Variants in CDH4 observed in about 807,000 individuals in gnomAD.
CDH4 encodes cadherin-4.
Under a neutral mutation model 86.0 loss-of-function variants are expected in CDH4, and 33 were observed. The ratio of observed to expected loss-of-function variants is 0.38; its 90% CI spans 0.29 to 0.51. The LOEUF is 0.51. Among genes scored for constraint, CDH4 ranks in the 20% least tolerant of loss-of-function variants. The pLI is 0.86. For synonymous variants in CDH4, 555 were observed against 549.4 expected (o/e 1.01, Z -0.14); for missense variants, 1,114 against 1,307.4 (o/e 0.85, Z 2.28).
chr20:61,533,437 G>A (rs181731269), intron 2 of CDH4, among the ~76,000 whole-genome samples: 1 of 152,336 alleles, frequency 6.6e-6, no homozygotes, highest in Admixed American at 6.5e-5. Flanking sequence ...AGCTAGAGCT[G>A]TGCTCGTCTC....
chr20:61,477,445 G>A (rs2085544310), intron 2 of CDH4, among the ~76,000 whole-genome samples: 2 of 152,226 alleles, frequency 1.3e-5, no homozygotes. Context: ...GGGAGCAGAG[G>A]AACCAGCAGA....
intron 2 of CDH4, among the ~76,000 whole-genome samples, chr20:61,686,716 C>T (rs1253996559): frequency 6.7e-6 from 1 of 149,708 alleles, no homozygotes; most frequent in Non-Finnish European, 1.5e-5. Flanking sequence ...TGTGCATTCC[C>T]GTGTGTGTGC....
intron 2 of CDH4, among the ~76,000 whole-genome samples, chr20:61,481,692 G>A (rs183629197): frequency 3.3e-5 from 5 of 152,330 alleles, no homozygotes. Flanking sequence ...AATGCTGGCT[G>A]CAAGCACACA....
At chr20:61,889,396 G>A (rs1984691468) in intron 7 of CDH4, among the ~76,000 whole-genome samples, 1 of 150,816 alleles carries the variant, frequency 6.6e-6, no homozygotes, top group South Asian at 2.1e-4. Flanking sequence ...GTGGATGATG[G>A]ATGAGGGATG....
chr20:61,848,461 T>A (rs577334483), intron 5 of CDH4, among the ~76,000 whole-genome samples: 142 of 152,344 alleles, frequency 9.3e-4, no homozygotes, highest in African/African-American at 3.2e-3. Context: ...AGCCTCAACC[T>A]CCCAGGCTCA....
chr20:61,678,151 TAGA>T (rs894619307), intron 2 of CDH4, among the ~76,000 whole-genome samples: 2 of 146,226 alleles, frequency 1.4e-5, no homozygotes, highest in African/African-American at 2.4e-5. Flanking sequence ...GATAGGTAGA[TAGA>T]TGGATGATGG....
intron 2 of CDH4, among the ~76,000 whole-genome samples, chr20:61,493,502 G>A (rs1193356855): frequency 6.6e-6 from 1 of 152,216 alleles, no homozygotes; most frequent in African/African-American, 2.4e-5. Context: ...CTTAGGCAAT[G>A]CCTCTACGGC....
At chr20:61,764,684 T>C (rs6061809) in intron 3 of CDH4, among the ~76,000 whole-genome samples, 95,621 of 152,112 alleles carry the variant, frequency 0.63, 30,089 homozygotes, top group Admixed American at 0.65. Context: ...GTGGCAGTTT[T>C]GCAGCACCTT....
rs531452653 is a variant in CDH4 at position 61,408,328 on chromosome 20, C to T, written c.169+153391C>T. Among the ~76,000 whole-genome samples, 24 of 152,114 alleles carry T rather than the reference C, an allele frequency of 1.6e-4. No individual in the cohort carries two copies. In the South Asian group the frequency reaches 2.5e-3, roughly 16 times the overall value. On this transcript the variant is annotated intron_variant, in intron 2 of 15. Coordinates refer to ENST00000614565, the MANE Select transcript of CDH4 (RefSeq NM_001794.5). The stretch of plus-strand genomic sequence containing the variant: ...CCTGCCCCAGGAACAGATGGTGATG[C>T]GGTTTAACTTGGGGGGTGGTGTTGC...
At chr20:61,399,765 C>T (rs1360828268) in intron 2 of CDH4, among the ~76,000 whole-genome samples, 1 of 152,222 alleles carries the variant, frequency 6.6e-6, no homozygotes, top group Non-Finnish European at 1.5e-5. Context: ...AGTTCCTGCT[C>T]ACATGTGTGA....
intron 4 of CDH4, among the ~76,000 whole-genome samples, chr20:61,830,125 C>G (rs1230118375): frequency 6.7e-6 from 1 of 150,280 alleles, no homozygotes; most frequent in East Asian, 2.0e-4. Flanking sequence ...CCCCCACACC[C>G]GTTCATGTGA....
chr20:61,408,102 G>A (rs990195699), intron 2 of CDH4, among the ~76,000 whole-genome samples: 5 of 152,138 alleles, frequency 3.3e-5, no homozygotes, highest in South Asian at 2.1e-4. Context: ...GCCCCACTCC[G>A]ACCTCTCCAT....
intron 2 of CDH4, among the ~76,000 whole-genome samples, chr20:61,402,336 G>C (rs569012568): frequency 4.6e-5 from 7 of 152,152 alleles, no homozygotes; most frequent in Admixed American, 3.3e-4. Flanking sequence ...TTGTTATACT[G>C]TATTGTTTAT....
At chr20:61,666,400 A>T (rs980546620) in intron 2 of CDH4, among the ~76,000 whole-genome samples, 1 of 152,214 alleles carries the variant, frequency 6.6e-6, no homozygotes, top group Non-Finnish European at 1.5e-5. Flanking sequence ...AGCCCGAAGA[A>T]ATCCACTTCT....
intron 2 of CDH4, among the ~76,000 whole-genome samples, chr20:61,557,915 A>C (rs903826273): frequency 5.3e-5 from 8 of 152,138 alleles, no homozygotes; most frequent in Admixed American, 1.3e-4. Context: ...TCGCTGAATG[A>C]ATGGCTGTAT....
intron 2 of CDH4, among the ~76,000 whole-genome samples, chr20:61,504,139 A>G (rs1424561020): frequency 5.9e-5 from 9 of 152,148 alleles, no homozygotes; most frequent in African/African-American, 2.2e-4. Context: ...AGGATCTCAG[A>G]GCTCTGTGCC....
intron 2 of CDH4, among the ~76,000 whole-genome samples, chr20:61,333,792 G>A (rs886603591): frequency 2.0e-5 from 3 of 152,226 alleles, no homozygotes; most frequent in Admixed American, 1.3e-4. Flanking sequence ...CCCCTGGGCT[G>A]TCTGGGAGAC....
chr20:61,859,556 A>G (rs1252774926), intron 6 of CDH4, among the ~76,000 whole-genome samples: 1 of 152,178 alleles, frequency 6.6e-6, no homozygotes, highest in Non-Finnish European at 1.5e-5. Context: ...ATTCATTTTG[A>G]GTTAATTTTT....
intron 4 of CDH4, among the ~76,000 whole-genome samples, chr20:61,833,702 T>C (rs1054991425): frequency 1.3e-5 from 2 of 152,152 alleles, no homozygotes; most frequent in African/African-American, 4.8e-5. Context: ...TATAACTGAC[T>C]GAGCACAGTA....
Sources: allele counts gnomAD v4.1 joint callset (sites outside exome capture counted in the v4.1 genomes callset), GRCh38; gene constraint gnomAD v4.1.1; transcripts MANE v1.5; gene names NCBI Gene and HGNC (gene_info 2026-07-23, HGNC 2026-07-21).